The following PRDM16 variants were observed in gnomAD, a reference collection of about 807,000 sequenced individuals.
PRDM16 encodes the protein PR/SET domain 16.
PRDM16 carries 23 observed loss-of-function variants against 110.6 expected under a neutral mutation model. That is an observed-to-expected ratio of 0.21 (90% confidence interval 0.15 to 0.29). The LOEUF is 0.29. PRDM16 is among the 10% of genes least tolerant of loss of function. The pLI is 1.00. For missense variants in PRDM16, 1,615 were observed against 1,794.3 expected, an observed-to-expected ratio of 0.90 and a Z score of 1.81; for synonymous variants, 799 against 781.8, an observed-to-expected ratio of 1.02 and a Z score of -0.37.
intron 1 of PRDM16, among the ~76,000 whole-genome samples, chr1:3,119,158 G>A (rs1201343723): frequency 6.6e-6 from 1 of 152,186 alleles, no homozygotes; most frequent in Non-Finnish European, 1.5e-5. Context: ...CACAGCTATC[G>A]ACCCAGGGCT....
chr1:3,274,596 C>T (rs1288605231), intron 3 of PRDM16, among the ~76,000 whole-genome samples: 1 of 152,212 alleles, frequency 6.6e-6, no homozygotes, highest in African/African-American at 2.4e-5. Context: ...TTTTGATAGT[C>T]AAACAATAGC....
At chr1:3,169,570 C>T (rs572256100) in intron 1 of PRDM16, among the ~76,000 whole-genome samples, 20 of 152,266 alleles carry the variant, frequency 1.3e-4, no homozygotes, top group Middle Eastern at 6.8e-3. Flanking sequence ...GGCCAGGTCC[C>T]GGGGTTGTTG....
chr1:3,181,200 A>C (rs1390497248), intron 1 of PRDM16, among the ~76,000 whole-genome samples: 1 of 131,352 alleles, frequency 7.6e-6, no homozygotes, highest in Non-Finnish European at 1.6e-5. Context: ...TTACGGTCTT[A>C]CACACGGTCT....
At chr1:3,149,830 G>C (rs142553140) in intron 1 of PRDM16, among the ~76,000 whole-genome samples, 1 of 152,302 alleles carries the variant, frequency 6.6e-6, no homozygotes, top group East Asian at 1.9e-4. Flanking sequence ...CAATCCACCC[G>C]CCCTACTCAT....
At chr1:3,230,592 T>G (rs1373905079) in intron 2 of PRDM16, among the ~76,000 whole-genome samples, 1 of 152,230 alleles carries the variant, frequency 6.6e-6, no homozygotes, top group Non-Finnish European at 1.5e-5. Context: ...AAAATATAAA[T>G]GAACAGCCGT....
chr1:3,412,048 G>C lies in PRDM16; in HGVS notation c.1851G>C (p.Thr617=). The C allele has an allele frequency of 9.3e-6, 15 of 1,610,840 alleles. No homozygotes were observed. Among genetic ancestry groups the C allele is most frequent in the Non-Finnish European group, 1.3e-5 (15 of 1,178,076 alleles). ...VNTTTGTDLD[T]TTGTGSDLDS... is the part of the protein sequence containing the mutation. ...CCACCACGGGGACCGACCTGGACAC[G>C]ACCACGGGGACGGGCTCGGACCTGG... The change falls in exon 9 of 17, where the codon ACG becomes ACC. Residue 617 remains threonine, a synonymous_variant. Coordinates refer to ENST00000270722, the MANE Select transcript of PRDM16 (RefSeq NM_022114.4).
intron 3 of PRDM16, among the ~76,000 whole-genome samples, chr1:3,283,862 G>A (rs1640788123): frequency 6.6e-6 from 1 of 152,260 alleles, no homozygotes; most frequent in Non-Finnish European, 1.5e-5. Context: ...ATCCAAGCCT[G>A]CAAAGCTAAG....
At chr1:3,178,648 G>A (rs1644117682) in intron 1 of PRDM16, among the ~76,000 whole-genome samples, 1 of 152,180 alleles carries the variant, frequency 6.6e-6, no homozygotes, top group Non-Finnish European at 1.5e-5. Flanking sequence ...GTTAAACCCT[G>A]TTTCCCCCAG....
intron 1 of PRDM16, among the ~76,000 whole-genome samples, chr1:3,164,467 G>C (rs76479853): frequency 6.6e-6 from 1 of 152,200 alleles, no homozygotes; most frequent in African/African-American, 2.4e-5. Context: ...CCATGGCCAC[G>C]TACAGAAAGA....
rs569859817 is a variant in PRDM16 at position 3,125,052 on chromosome 1, C to T, written c.37+55756C>T. Among the ~76,000 whole-genome samples the T allele has an allele frequency of 5.3e-5, 8 of 152,334 alleles. No homozygotes were observed. In the South Asian group the frequency reaches 1.4e-3, roughly 28 times the overall value. On this transcript the variant is annotated intron_variant, in intron 1 of 16. Transcript: ENST00000270722. ...GGCTCTTTGCATGTCTCTGGGAAAA[C>T]CTGATCAGCTGACCCAAACCAACTA...
intron 2 of PRDM16, among the ~76,000 whole-genome samples, chr1:3,211,828 C>CGT (rs1229407329): frequency 2.6e-5 from 4 of 152,214 alleles, no homozygotes; most frequent in African/African-American, 9.7e-5. Context: ...CATGCGTGTG[C>CGT]GTGCGCGTGC....
intron 3 of PRDM16, among the ~76,000 whole-genome samples, chr1:3,292,416 G>A (rs915303416): frequency 3.9e-5 from 6 of 152,220 alleles, no homozygotes; most frequent in African/African-American, 1.4e-4. Flanking sequence ...TCTCCAGCGA[G>A]AGAGAAGCAA....
In PRDM16 at chr1:3,246,892, C is replaced by T. The variant is rs1639802281; in HGVS notation, c.438+2755C>T. Among the ~76,000 whole-genome samples the T allele has an allele frequency of 6.6e-6, 1 of 152,158 alleles. No homozygotes were observed. The highest frequency in any genetic ancestry group is 1.5e-5 in the Non-Finnish European group (1 of 68,030). The stretch of plus-strand genomic sequence containing the variant: ...CTTCAGACTCGGGGGCCAGGAAGAC[C>T]AGGACAGACAGCCCTCGAGTGGGCG... On this transcript the variant is annotated intron_variant, in intron 3 of 16. Coordinates refer to ENST00000270722, the MANE Select transcript of PRDM16 (RefSeq NM_022114.4). The surrounding 1 kb of genome is among the most constrained non-coding windows in gnomAD (Gnocchi z 5.2).
chr1:3,405,878 G>T (rs1263241391), intron 8 of PRDM16, among the ~76,000 whole-genome samples: 2 of 152,186 alleles, frequency 1.3e-5, no homozygotes, highest in African/African-American at 4.8e-5. Context: ...CCTCCTCCAC[G>T]GCTCCCCTTG....
intron 3 of PRDM16, among the ~76,000 whole-genome samples, chr1:3,273,027 G>A (rs1255893028): frequency 2.0e-5 from 3 of 152,240 alleles, no homozygotes; most frequent in African/African-American, 4.8e-5. Flanking sequence ...TGCTGTGGTC[G>A]AGAGGGCAGC....
chr1:3,146,921 T>C (rs1478984120), intron 1 of PRDM16, among the ~76,000 whole-genome samples: 2 of 39,906 alleles, frequency 5.0e-5, no homozygotes, highest in Admixed American at 6.8e-4. Flanking sequence ...TGTGGGGGGG[T>C]GTGTGTGCAC....
intron 8 of PRDM16, among the ~76,000 whole-genome samples, chr1:3,408,228 C>T (rs1030977820): frequency 6.6e-6 from 1 of 152,222 alleles, no homozygotes; most frequent in African/African-American, 2.4e-5. Context: ...AGATGGAAGC[C>T]CTAAGCCCCC....
At chr1:3,236,400 AAATATGCT>A (rs1386065619) in intron 2 of PRDM16, among the ~76,000 whole-genome samples, 1 of 152,154 alleles carries the variant, frequency 6.6e-6, no homozygotes, top group Non-Finnish European at 1.5e-5. Context: ...CAAGGACCAC[AAATATGCT>A]AATGGCCTGG....
At chr1:3,293,481 G>A (rs914157512) in intron 3 of PRDM16, among the ~76,000 whole-genome samples, 4 of 152,302 alleles carry the variant, frequency 2.6e-5, no homozygotes, top group Non-Finnish European at 5.9e-5. Context: ...AGGAAGGCGC[G>A]ATGGCCAGGG....
Sources: allele counts gnomAD v4.1 joint callset (sites outside exome capture counted in the v4.1 genomes callset), GRCh38; gene constraint gnomAD v4.1.1; non-coding constraint Gnocchi (gnomAD v3.1); transcripts MANE v1.5; gene names NCBI Gene and HGNC (gene_info 2026-07-23, HGNC 2026-07-21).